Variants in ADARB2 observed in about 807,000 individuals in gnomAD.
ADARB2 encodes inactive double-stranded RNA-specific editase B2.
In ADARB2, 25 loss-of-function variants were observed where a neutral mutation model predicts 62.2. That is an observed-to-expected ratio of 0.40 (90% CI 0.29 to 0.56). ADARB2 has a LOEUF of 0.56. Among genes scored for constraint, ADARB2 ranks in the 20% least tolerant of loss-of-function variants. The pLI is 0.43. For missense variants in ADARB2, 1,071 were observed against 1,077.4 expected (o/e 0.99, Z 0.08); for synonymous variants, 572 against 500.8 (o/e 1.14, Z -1.90).
chr10:1,411,209 TG>T (rs1832756682), intron 1 of ADARB2, among the ~76,000 whole-genome samples: 1 of 152,180 alleles, frequency 6.6e-6, no homozygotes. Flanking sequence ...CTCAGGGGCC[TG>T]GTTCAGGCCT....
chr10:1,517,131 G>A (rs1832017827), intron 1 of ADARB2, among the ~76,000 whole-genome samples: 1 of 152,176 alleles, frequency 6.6e-6, no homozygotes, highest in African/African-American at 2.4e-5. Flanking sequence ...GCTGCACCGA[G>A]AGTGTGAGAG....
intron 1 of ADARB2, among the ~76,000 whole-genome samples, chr10:1,697,258 C>T (rs1342032578): frequency 6.6e-6 from 1 of 152,134 alleles, no homozygotes; most frequent in Admixed American, 6.5e-5. Flanking sequence ...AGCCTCTCTT[C>T]CGAAAGGAAA....
At chr10:1,449,821 C>T (rs185823211) in intron 1 of ADARB2, among the ~76,000 whole-genome samples, 18 of 152,292 alleles carry the variant, frequency 1.2e-4, no homozygotes, top group African/African-American at 2.2e-4. Context: ...AAGGACTTTA[C>T]GGATACCTAA....
intron 7 of ADARB2, chr10:1,216,500 TA>T (rs1830623317): frequency 6.0e-6 from 1 of 167,934 alleles, no homozygotes; most frequent in South Asian, 1.5e-4. Context: ...CTCGGGATGG[TA>T]GGGGAAAGGT....
chr10:1,674,231 TCCAA>T (rs1265090371), intron 1 of ADARB2, among the ~76,000 whole-genome samples: 1 of 152,180 alleles, frequency 6.6e-6, no homozygotes, highest in Non-Finnish European at 1.5e-5. Flanking sequence ...TTTTAAAGCC[TCCAA>T]CCCCCTTGTG....
intron 4 of ADARB2, among the ~76,000 whole-genome samples, chr10:1,270,339 AGT>A (rs757921989): frequency 6.6e-6 from 1 of 152,216 alleles, no homozygotes; most frequent in African/African-American, 2.4e-5. Context: ...AGTGTGTGAG[AGT>A]GTAGTGAGTG....
chr10:1,412,167 G>A (rs974361345), intron 1 of ADARB2, among the ~76,000 whole-genome samples: 5 of 152,138 alleles, frequency 3.3e-5, no homozygotes, highest in Non-Finnish European at 5.9e-5. Context: ...GCTGAGGCTC[G>A]GGACGATGCT....
intron 3 of ADARB2, among the ~76,000 whole-genome samples, chr10:1,332,417 GA>G (rs59497955): frequency 0.15 from 16,162 of 108,010 alleles, 1,088 homozygotes; most frequent in African/African-American, 0.25. Context: ...CCTTGTCTCA[GA>G]AAAAAAAAAA....
intron 1 of ADARB2, among the ~76,000 whole-genome samples, chr10:1,524,585 C>G (rs1217856897): frequency 6.6e-6 from 1 of 152,178 alleles, no homozygotes; most frequent in Non-Finnish European, 1.5e-5. Context: ...TCCCACTTCT[C>G]CTTTCTATTG....
At chr10:1,323,271 C>CT (rs1831811968) in intron 3 of ADARB2, among the ~76,000 whole-genome samples, 2 of 144,622 alleles carry the variant, frequency 1.4e-5, no homozygotes, top group East Asian at 4.0e-4. Context: ...AAAAAAAACA[C>CT]TGTTAGGATA....
chr10:1,433,945 T>C (rs1315517376), intron 1 of ADARB2, among the ~76,000 whole-genome samples: 1 of 152,232 alleles, frequency 6.6e-6, no homozygotes, highest in African/African-American at 2.4e-5. Context: ...TGACTGTAAA[T>C]GTAACTGAAT....
intron 1 of ADARB2, among the ~76,000 whole-genome samples, chr10:1,597,285 A>G (rs374736590): frequency 1.9e-4 from 29 of 152,330 alleles, no homozygotes; most frequent in East Asian, 1.7e-3. Context: ...TTAGGTGACT[A>G]TGATTTTTAT....
At chr10:1,346,905 C>T (rs539014858) in intron 3 of ADARB2, among the ~76,000 whole-genome samples, 66 of 152,362 alleles carry the variant, frequency 4.3e-4, no homozygotes, top group African/African-American at 1.5e-3. Context: ...GATTGCATGT[C>T]AATGGGGACG....
chr10:1,442,828 G>A (rs1369290214), intron 1 of ADARB2, among the ~76,000 whole-genome samples: 1 of 152,132 alleles, frequency 6.6e-6, no homozygotes, highest in Non-Finnish European at 1.5e-5. Context: ...AAAATAAACA[G>A]ACCAAGAGAT....
At chr10:1,429,331 T>A (rs1265273408) in intron 1 of ADARB2, among the ~76,000 whole-genome samples, 3 of 152,252 alleles carry the variant, frequency 2.0e-5, no homozygotes, top group Non-Finnish European at 4.4e-5. Context: ...CTGTTTTAGC[T>A]GATGAAATTA....
At chr10:1,571,638 G>T (rs1451725726) in intron 1 of ADARB2, among the ~76,000 whole-genome samples, 1 of 152,236 alleles carries the variant, frequency 6.6e-6, no homozygotes, top group African/African-American at 2.4e-5. Flanking sequence ...GAGCAGGCAG[G>T]TGAGTATGCA....
chr10:1,644,469 G>A (rs1834012523), intron 1 of ADARB2, among the ~76,000 whole-genome samples: 1 of 152,270 alleles, frequency 6.6e-6, no homozygotes, highest in African/African-American at 2.4e-5. Context: ...GGGAGAAGGA[G>A]AAGGACAAAG....
chr10:1,268,167 G>A (rs1486681063), intron 4 of ADARB2, among the ~76,000 whole-genome samples: 1 of 152,150 alleles, frequency 6.6e-6, no homozygotes, highest in African/African-American at 2.4e-5. Flanking sequence ...GTCAATAGAT[G>A]TTATCTAGAA....
At chr10:1,189,933 C>A (rs113489139) in intron 8 of ADARB2, among the ~76,000 whole-genome samples, 1,418 of 121,856 alleles carry the variant, frequency 0.012, 38 homozygotes, top group African/African-American at 0.038. Flanking sequence ...CTCCTTCCCC[C>A]GAACACGTGG....
Sources: gnomAD v4.1 joint callset for allele counts (sites outside exome capture counted in the v4.1 genomes callset) on GRCh38, gnomAD v4.1.1 for gene constraint, MANE v1.5 for transcripts, NCBI Gene and HGNC (gene_info 2026-07-23, HGNC 2026-07-21) for gene names.